THRB: variants seen among roughly 807,000 people sequenced by gnomAD.
THRB encodes nuclear receptor subfamily 1 group A member 2.
THRB carries 12 observed loss-of-function variants against 47.8 expected under a neutral mutation model. The observed-to-expected ratio is 0.25, with a 90% CI of 0.16 to 0.41. The LOEUF is 0.41. Among genes scored for constraint, THRB ranks in the 10% least tolerant of loss-of-function variants. The pLI is 1.00. For synonymous variants in THRB, 218 were observed against 212.2 expected, an observed-to-expected ratio of 1.03 and a Z score of -0.24; for missense variants, 348 against 589.2, an observed-to-expected ratio of 0.59 and a Z score of 4.24.
At chr3:24,474,666 G>A (rs1462156179) in intron 1 of THRB, among the ~76,000 whole-genome samples, 2 of 152,144 alleles carry the variant, frequency 1.3e-5, no homozygotes, top group African/African-American at 4.8e-5. Flanking sequence ...ATCCTTCCAG[G>A]AAGGATTCTT....
chr3:24,119,397 T>G lies in THRB; in HGVS notation c.*3487A>C, dbSNP rs2031232521. The G allele has an allele frequency of 6.6e-6, 1 of 152,222 alleles. No homozygotes were observed. Among genetic ancestry groups the G allele is most frequent in the Non-Finnish European group, 1.5e-5 (1 of 68,038 alleles). The allele number at this position is 152,222 out of a possible 1,614,324, so 9.4% of individuals were successfully genotyped here. A position where few individuals can be genotyped will look rare whatever the true frequency, so the allele number is the denominator to read the frequency against. ...ACATTTCAAAAACTGTAAGACTGAT[T>G]TCATAATTTATGACTCATGCAGCAA... On this transcript the variant is annotated 3_prime_UTR_variant, in exon 11 of 11. Transcript: ENST00000646209.
At chr3:24,300,701 C>T (rs1039198033) in intron 2 of THRB, among the ~76,000 whole-genome samples, 2 of 152,160 alleles carry the variant, frequency 1.3e-5, no homozygotes, top group Non-Finnish European at 2.9e-5. Context: ...GATATTATCG[C>T]TCCTTTGAAA....
chr3:24,370,855 T>C (rs2064852231), intron 1 of THRB, among the ~76,000 whole-genome samples: 2 of 152,160 alleles, frequency 1.3e-5, no homozygotes, highest in South Asian at 4.1e-4. Context: ...CTGGTCAAGA[T>C]CCCAACTGAA....
intron 1 of THRB, among the ~76,000 whole-genome samples, chr3:24,469,663 G>A (rs1172358183): frequency 6.6e-6 from 1 of 152,178 alleles, no homozygotes. Flanking sequence ...ACACTACAAT[G>A]AGGTGTAAGA....
At chr3:24,164,323 G>C (rs998729380) in intron 5 of THRB, among the ~76,000 whole-genome samples, 1 of 152,110 alleles carries the variant, frequency 6.6e-6, no homozygotes, top group Admixed American at 6.6e-5. Flanking sequence ...TTTAATATTG[G>C]CTATTTTGAA....
chr3:24,468,449 G>A (rs2074315557), intron 1 of THRB, among the ~76,000 whole-genome samples: 1 of 152,164 alleles, frequency 6.6e-6, no homozygotes, highest in African/African-American at 2.4e-5. Context: ...TCCTCATTAA[G>A]TGTAATCATT....
chr3:24,167,072 T>C (rs1049411623), intron 5 of THRB, among the ~76,000 whole-genome samples: 3 of 152,146 alleles, frequency 2.0e-5, no homozygotes, highest in African/African-American at 4.8e-5. Flanking sequence ...TGGACCACCA[T>C]TGTGCTGTCT....
At chr3:24,187,707 A>G (rs557160874) in intron 5 of THRB, among the ~76,000 whole-genome samples, 2 of 152,204 alleles carry the variant, frequency 1.3e-5, no homozygotes, top group Non-Finnish European at 2.9e-5. Flanking sequence ...AACATGGATG[A>G]ACATCAAAAT....
Position 24,121,190 on chromosome 3 carries a change from T to C in THRB, c.*1694A>G, listed in dbSNP as rs1267582016. 2.6e-5 allele frequency: 4 copies of C among 152,310 alleles called. No homozygotes were observed. Among genetic ancestry groups the C allele is most frequent in the African/African-American group, 9.7e-5 (4 of 41,424 alleles). 9.4% of individuals were successfully genotyped at this position (152,310 alleles called of 1,614,324 possible). On this transcript the variant is annotated 3_prime_UTR_variant, in exon 11 of 11. Transcript: ENST00000646209. ...TTAAGGGCAGGAAGGGTTTTAGAGATCATGACTTATTCACCAGGTAAGAAA... is the reference window on the plus strand; with the variant it reads ...TTAAGGGCAGGAAGGGTTTTAGAGACCATGACTTATTCACCAGGTAAGAAA...
At chr3:24,238,839 T>C (rs1011177037) in intron 3 of THRB, among the ~76,000 whole-genome samples, 1 of 152,164 alleles carries the variant, frequency 6.6e-6, no homozygotes, top group African/African-American at 2.4e-5. Context: ...AACTGTTTAC[T>C]ACTTCTTCAG....
rs553298179 is a variant in THRB, at chr3:24,355,256, G to A, written c.-260-17885C>T. ...GAGGAAATATTAGAAATACACACTG[G>A]AGACATTCTACAAAATAATTGGCTT... is the stretch of plus-strand genomic sequence containing the variant. On this transcript the variant is annotated intron_variant, in intron 1 of 10. Transcript: ENST00000646209. Among the ~76,000 whole-genome samples, 91 of 152,164 alleles carry A rather than the reference G, an allele frequency of 6.0e-4. No individual in the cohort carries two copies. In the South Asian group the frequency reaches 7.5e-3, roughly 12 times the overall value.
At chr3:24,306,784 G>A (rs534507946) in intron 2 of THRB, among the ~76,000 whole-genome samples, 98 of 152,252 alleles carry the variant, frequency 6.4e-4, no homozygotes, top group African/African-American at 2.3e-3. Context: ...AACCACGTAC[G>A]GTTGGAGTTT....
intron 1 of THRB, among the ~76,000 whole-genome samples, chr3:24,464,917 T>C (rs893397615): frequency 9.2e-5 from 14 of 152,218 alleles, no homozygotes; most frequent in African/African-American, 3.1e-4. Flanking sequence ...AGTTAAGTTC[T>C]GTATTTTTTT....
intron 1 of THRB, among the ~76,000 whole-genome samples, chr3:24,460,152 A>T (rs1311220663): frequency 6.6e-6 from 1 of 152,200 alleles, no homozygotes; most frequent in Non-Finnish European, 1.5e-5. Flanking sequence ...TTGAGAATGT[A>T]TTATCTGGTG....
At chr3:24,318,710 G>C (rs570497996) in intron 2 of THRB, among the ~76,000 whole-genome samples, 10 of 152,328 alleles carry the variant, frequency 6.6e-5, no homozygotes, top group Admixed American at 6.5e-4. Flanking sequence ...AGGATTCCCT[G>C]TGTATGGAGA....
rs561918607 is a variant in THRB, at chr3:24,120,270, C to T, written c.*2614G>A. ...TCCGCATGAAGTATTCAGCCTTCAA[C>T]GAGATTTCCAGACCAGCAGTTTGCC... On this transcript the variant is annotated 3_prime_UTR_variant, in exon 11 of 11. Transcript: ENST00000646209. 2.0e-4 allele frequency: 30 copies of T among 152,316 alleles called. No homozygotes were observed. Among genetic ancestry groups the T allele is most frequent in the East Asian group, 5.8e-4 (3 of 5,192 alleles). 9.4% of individuals were successfully genotyped at this position (152,316 alleles called of 1,614,324 possible).
At chr3:24,174,460 C>T (rs2040866905) in intron 5 of THRB, among the ~76,000 whole-genome samples, 2 of 152,154 alleles carry the variant, frequency 1.3e-5, no homozygotes, top group South Asian at 2.1e-4. Context: ...TCTGATCTTT[C>T]CATTCATCCA....
At position 24,350,854 on chromosome 3, in the gene THRB, CT is replaced by C. The variant is rs559317766; in HGVS notation, c.-260-13484del. Reference sequence around the variant, plus strand: ...GTAATTTCTTTAAGAAATATCAATACTTTTTTTTCTACTTAGCATTCATAAG... The same window carrying C: ...GTAATTTCTTTAAGAAATATCAATACTTTTTTTCTACTTAGCATTCATAAG... On this transcript the variant is annotated intron_variant, in intron 1 of 10. Coordinates refer to ENST00000646209, the MANE Select transcript of THRB (RefSeq NM_001354712.2). Among the ~76,000 whole-genome samples, 1,233 of 151,990 alleles carry C rather than the reference CT, an allele frequency of 8.1e-3. 19 individuals are homozygous for C. The highest frequency in any genetic ancestry group is 0.028 in the African/African-American group (1,167 of 41,468).
chr3:24,474,402 C>G (rs1237337956), intron 1 of THRB, among the ~76,000 whole-genome samples: 3 of 152,192 alleles, frequency 2.0e-5, no homozygotes, highest in African/African-American at 7.2e-5. Flanking sequence ...ATACTTCCTC[C>G]ATAGCAGACA....
Sources: allele counts gnomAD v4.1 joint callset (sites outside exome capture counted in the v4.1 genomes callset), GRCh38; gene constraint gnomAD v4.1.1; transcripts MANE v1.5; gene names NCBI Gene and HGNC (gene_info 2026-07-23, HGNC 2026-07-21).